Variants in NRXN1 observed in about 807,000 individuals in gnomAD.
The protein encoded by NRXN1 is neurexin 1, also known as neurexin-1.
NRXN1 carries 39 observed loss-of-function variants against 150.9 expected under a neutral mutation model. The ratio of observed to expected loss-of-function variants is 0.26; its 90% CI spans 0.20 to 0.34. The LOEUF (loss-of-function observed/expected upper bound fraction) is 0.34. Among genes scored for constraint, NRXN1 ranks in the 10% least tolerant of loss-of-function variants. The pLI is 1.00. For synonymous variants in NRXN1, 924 were observed against 757.0 expected (o/e 1.22, Z -3.62); for missense variants, 1,815 against 1,949.9 (o/e 0.93, Z 1.30).
At chr2:50,863,981 A>G (rs1422471256) in intron 5 of NRXN1, among the ~76,000 whole-genome samples, 2 of 151,998 alleles carry the variant, frequency 1.3e-5, no homozygotes, top group Non-Finnish European at 1.5e-5. Context: ...TGCTGTGTGC[A>G]GCTGGGTGTA....
At chr2:50,315,240 C>A (rs1195059119) in intron 17 of NRXN1, among the ~76,000 whole-genome samples, 1 of 152,008 alleles carries the variant, frequency 6.6e-6, no homozygotes, top group Non-Finnish European at 1.5e-5. Context: ...ACTGCACAGG[C>A]AGCAGCTCCG....
intron 5 of NRXN1, among the ~76,000 whole-genome samples, chr2:50,770,180 A>G (rs1022245357): frequency 1.3e-5 from 2 of 152,180 alleles, no homozygotes; most frequent in Admixed American, 1.3e-4. Flanking sequence ...ACAAATTCTA[A>G]GAATGTCTAT....
chr2:50,988,044 C>T (rs1396572634), intron 2 of NRXN1, among the ~76,000 whole-genome samples: 2 of 152,018 alleles, frequency 1.3e-5, no homozygotes, highest in Admixed American at 1.3e-4. Flanking sequence ...TGTTCATACA[C>T]TACTCAGGTC....
At chr2:50,481,711 T>C (rs1220826383) in intron 15 of NRXN1, among the ~76,000 whole-genome samples, 2 of 150,868 alleles carry the variant, frequency 1.3e-5, no homozygotes, top group African/African-American at 4.8e-5. Flanking sequence ...ATTGTTATTA[T>C]CCATATCAAC....
At chr2:50,504,257 C>G (rs1450662194) in intron 13 of NRXN1, among the ~76,000 whole-genome samples, 1 of 151,380 alleles carries the variant, frequency 6.6e-6, no homozygotes. Flanking sequence ...ATATGGATTA[C>G]AGATTAGAAA....
chr2:50,152,237 C>G (rs1384041839), intron 18 of NRXN1, among the ~76,000 whole-genome samples: 1 of 151,742 alleles, frequency 6.6e-6, no homozygotes, highest in Non-Finnish European at 1.5e-5. Context: ...CATCATTCTA[C>G]CTTCTGTTTC....
At chr2:50,703,672 T>C (rs1340654678) in intron 5 of NRXN1, among the ~76,000 whole-genome samples, 2 of 152,170 alleles carry the variant, frequency 1.3e-5, no homozygotes, top group East Asian at 3.8e-4. Context: ...TAATAGCAAC[T>C]TAATTCAGAT....
At chr2:50,706,285 C>G (rs999837544) in intron 5 of NRXN1, among the ~76,000 whole-genome samples, 1 of 152,108 alleles carries the variant, frequency 6.6e-6, no homozygotes, top group Non-Finnish European at 1.5e-5. Context: ...ATACATATAC[C>G]TGCTGGGTTA....
chr2:49,940,968 A>AAAGTT (rs1671875097), intron 22 of NRXN1, among the ~76,000 whole-genome samples: 1 of 152,140 alleles, frequency 6.6e-6, no homozygotes, highest in Non-Finnish European at 1.5e-5. Flanking sequence ...GAGAGGAGAA[A>AAAGTT]AAGTTAAACT....
intron 5 of NRXN1, among the ~76,000 whole-genome samples, chr2:50,816,051 C>G (rs977115841): frequency 2.0e-5 from 3 of 152,084 alleles, no homozygotes; most frequent in Non-Finnish European, 4.4e-5. Context: ...TTAGTGCAAC[C>G]AAAACACTTG....
chr2:50,610,590 T>A (rs1677875772), intron 8 of NRXN1, among the ~76,000 whole-genome samples: 1 of 140,226 alleles, frequency 7.1e-6, no homozygotes. Context: ...ATCTTACTCA[T>A]CTATGTGCCC....
chr2:50,861,025 T>A (rs753078003), intron 5 of NRXN1, among the ~76,000 whole-genome samples: 5 of 152,086 alleles, frequency 3.3e-5, no homozygotes, highest in Admixed American at 6.6e-5. Flanking sequence ...GATGTCAAAG[T>A]AAGTATAAAT....
intron 21 of NRXN1, among the ~76,000 whole-genome samples, chr2:50,017,090 A>T (rs950387350): frequency 1.3e-5 from 2 of 152,284 alleles, no homozygotes; most frequent in East Asian, 3.9e-4. Flanking sequence ...CTGGAAATTG[A>T]CATCTAATCA....
At chr2:50,212,714 G>C (rs1305665295) in intron 18 of NRXN1, among the ~76,000 whole-genome samples, 1 of 151,836 alleles carries the variant, frequency 6.6e-6, no homozygotes, top group Non-Finnish European at 1.5e-5. Flanking sequence ...ACTCAGGTCA[G>C]CTTGAAAGAA....
intron 2 of NRXN1, among the ~76,000 whole-genome samples, chr2:50,952,111 C>T (rs1000530046): frequency 4.4e-4 from 66 of 150,526 alleles, no homozygotes; most frequent in Non-Finnish European, 8.6e-4. Flanking sequence ...GGACTATAGG[C>T]GCCTGCCACT....
At chr2:50,752,469 G>C (rs1216602545) in intron 5 of NRXN1, among the ~76,000 whole-genome samples, 1 of 151,866 alleles carries the variant, frequency 6.6e-6, no homozygotes, top group African/African-American at 2.4e-5. Context: ...TTACTGGAGG[G>C]AACCCAATGC....
At chr2:50,755,942 A>G (rs549541685) in intron 5 of NRXN1, among the ~76,000 whole-genome samples, 13 of 151,924 alleles carry the variant, frequency 8.6e-5, no homozygotes, top group African/African-American at 3.1e-4. Context: ...TGTGGAAATC[A>G]AGGTCGCTTT....
intron 18 of NRXN1, among the ~76,000 whole-genome samples, chr2:50,191,445 C>A (rs2061437594): frequency 6.6e-6 from 1 of 152,050 alleles, no homozygotes; most frequent in Non-Finnish European, 1.5e-5. Context: ...TATATGTACT[C>A]ATTTGTGTGT....
At chr2:49,995,157 G>C (rs1044399391) in intron 21 of NRXN1, among the ~76,000 whole-genome samples, 4 of 152,210 alleles carry the variant, frequency 2.6e-5, no homozygotes, top group Admixed American at 2.0e-4. Context: ...TGTCAAATCT[G>C]TAGAGTCAAG....
Sources: gnomAD v4.1 joint callset for allele counts (sites outside exome capture counted in the v4.1 genomes callset) on GRCh38, gnomAD v4.1.1 for gene constraint, MANE v1.5 for transcripts, NCBI Gene and HGNC (gene_info 2026-07-23, HGNC 2026-07-21) for gene names.